The following TEAD2 variants were observed in gnomAD, a reference collection of about 807,000 sequenced individuals.
The protein encoded by TEAD2 is TEA domain transcription factor 2, also known as transcriptional enhancer factor TEF-4.
Under a neutral mutation model 61.4 loss-of-function variants are expected in TEAD2, and 51 were observed. The ratio of observed to expected loss-of-function variants is 0.83; its 90% CI spans 0.66 to 1.05. TEAD2 has a LOEUF of 1.05. TEAD2 is among the 50% of genes least tolerant of loss of function. TEAD2 has a pLI of 0.00. For synonymous variants in TEAD2, 244 were observed against 243.2 expected, an observed-to-expected ratio of 1.00 and a Z score of -0.03; for missense variants, 509 against 600.0, an observed-to-expected ratio of 0.85 and a Z score of 1.58.
rs780415316 is a variant in TEAD2, at chr19:49,355,136, C to T, written c.539+12G>A. The T allele has an allele frequency of 1.7e-5, 27 of 1,604,174 alleles. No homozygotes were observed. In the East Asian group the frequency reaches 5.2e-4, roughly 31 times the overall value. On this transcript the variant is annotated intron_variant, in intron 7 of 12. Coordinates refer to ENST00000593945, the MANE Select transcript of TEAD2 (RefSeq NM_001256660.2). Reference sequence around the variant, plus strand: ...GGGGGGCAGGTGCTGAGCCAGGACACATAGTACTCACTCTGGAACATTCCA... The same window carrying T: ...GGGGGGCAGGTGCTGAGCCAGGACATATAGTACTCACTCTGGAACATTCCA...
At chr19:49,346,825 C>T (rs182452371) in intron 10 of TEAD2, among the ~76,000 whole-genome samples, 25 of 152,290 alleles carry the variant, frequency 1.6e-4, no homozygotes, top group Admixed American at 1.3e-3. Flanking sequence ...CCACTGGCTA[C>T]GGGGAGGGGT....
chr19:49,358,630 T>C (rs1194975209), intron 3 of TEAD2, among the ~76,000 whole-genome samples: 2 of 151,250 alleles, frequency 1.3e-5, no homozygotes, highest in African/African-American at 4.9e-5. Flanking sequence ...TTTTCTTTCT[T>C]TCTTTCTTTT....
At chr19:49,344,861 C>A (rs1309568284) in intron 10 of TEAD2, among the ~76,000 whole-genome samples, 1 of 152,154 alleles carries the variant, frequency 6.6e-6, no homozygotes, top group Non-Finnish European at 1.5e-5. Context: ...AGACAGCTGG[C>A]CAAGTGTCAC....
In TEAD2 at chr19:49,358,034, A is replaced by G. The variant is rs191062783; in HGVS notation, c.298-720T>C. 6.4e-3 allele frequency among the ~76,000 whole-genome samples: 978 copies of G among 152,128 alleles called. 9 individuals carry two copies. The highest frequency in any genetic ancestry group is 7.9e-3 in the Non-Finnish European group (539 of 67,990). ...GATCACCTGAGGTCAGGAGTTCGAG[A>G]CCAGCCTGCCCAGCATGGCGATACC... On this transcript the variant is annotated intron_variant, in intron 3 of 12. Coordinates refer to ENST00000593945, the MANE Select transcript of TEAD2 (RefSeq NM_001256660.2).
In TEAD2 at chr19:49,348,771, G is replaced by C. The variant is rs778249919; in HGVS notation, c.679C>G (p.Leu227Val). 1.9e-6 allele frequency: 3 copies of C among 1,613,770 alleles called. No individual in the cohort carries two copies. Among genetic ancestry groups the C allele is most frequent in the Non-Finnish European group, 2.5e-6 (3 of 1,179,842 alleles). Residue 227 changes from leucine to valine, a missense_variant, in exon 9 of 13, where the codon CTG becomes GTG. Coordinates refer to ENST00000593945, the MANE Select transcript of TEAD2 (RefSeq NM_001256660.2). ...ACCAGCTGCAACCGGGCGGTGCCCA[G>C]GCCCCGAGCCTGCCAGGCTGGGGGC... is the stretch of plus-strand genomic sequence containing the variant. ...PSPPAWQARG[L>V]GTARLQLVEF...
In TEAD2 at chr19:49,359,388, G is replaced by T. The variant is rs1488266952; in HGVS notation, c.297+47C>A. ...CCTGCCCATGCGAGGATGACCCTAA[G>T]AAGACCGGCCCATCCCAGACAGAAG... On this transcript the variant is annotated intron_variant, in intron 3 of 12. Coordinates refer to ENST00000593945, the MANE Select transcript of TEAD2 (RefSeq NM_001256660.2). This position sits in a 1 kb window ranked among gnomAD's most constrained non-coding sequence, Gnocchi z 4.1. The T allele has an allele frequency of 1.9e-6, 3 of 1,591,698 alleles. No individual in the cohort carries two copies. The Admixed American group carries it at 5.0e-5, about 27-fold the overall frequency.
chr19:49,355,986 G>T lies in TEAD2; in HGVS notation c.361-16C>A. On this transcript the variant is annotated splice_polypyrimidine_tract_variant and intron_variant, in intron 4 of 12. Transcript: ENST00000593945. Reference sequence around the variant, plus strand: ...CGTTCAGAGCCTGCCCGTGGGGGTGGGGGAGGGTGCCAAAGGAGGAAAGAA... The same window carrying T: ...CGTTCAGAGCCTGCCCGTGGGGGTGTGGGAGGGTGCCAAAGGAGGAAAGAA... 1 of 1,255,180 alleles carries T rather than the reference G, an allele frequency of 8.0e-7. No homozygotes were observed. The highest frequency in any genetic ancestry group is 1.0e-6 in the Non-Finnish European group (1 of 999,484). 77.8% of individuals were successfully genotyped at this position (1,255,180 alleles called of 1,614,324 possible).
Position 49,340,825 on chromosome 19 carries a change from A to G in TEAD2, c.*499T>C, listed in dbSNP as rs1225700771. 4.8e-6 allele frequency: 1 copy of G among 210,466 alleles called. No homozygotes were observed. Among genetic ancestry groups the G allele is most frequent in the Non-Finnish European group, 9.6e-6 (1 of 103,916 alleles). The allele number at this position is 210,466 out of a possible 1,614,324, so 13.0% of individuals were successfully genotyped here. ...AGGGCCCACCTGGCTCTGCTCCTGC[A>G]CAGAAAGGGTTCATCTTCACTTTGT... On this transcript the variant is annotated 3_prime_UTR_variant, in exon 13 of 13. Transcript: ENST00000593945.
Position 49,340,627 on chromosome 19 carries a change from A to C in TEAD2, c.*697T>G. The C allele has an allele frequency of 1.9e-6, 1 of 540,380 alleles. No individual in the cohort carries two copies. 33.5% of individuals were successfully genotyped at this position (540,380 alleles called of 1,614,324 possible). A position where few individuals can be genotyped will look rare whatever the true frequency, so the allele number is the denominator to read the frequency against. ...TAAAATAGCTTTATCCTCTGTCAGAACACAAACAAACAAACTTTGAGAGGG... is the reference window on the plus strand; with the variant it reads ...TAAAATAGCTTTATCCTCTGTCAGACCACAAACAAACAAACTTTGAGAGGG... On this transcript the variant is annotated 3_prime_UTR_variant, in exon 13 of 13. Coordinates refer to ENST00000593945, the MANE Select transcript of TEAD2 (RefSeq NM_001256660.2).
At chr19:49,348,143 A>T (rs1971769638) in intron 9 of TEAD2, among the ~76,000 whole-genome samples, 2 of 150,866 alleles carry the variant, frequency 1.3e-5, no homozygotes, top group Non-Finnish European at 3.0e-5. Context: ...AGAGCCACAA[A>T]ATGGAAGGAG....
intron 10 of TEAD2, among the ~76,000 whole-genome samples, chr19:49,344,424 G>A (rs1971503517): frequency 6.6e-6 from 1 of 152,054 alleles, no homozygotes; most frequent in Non-Finnish European, 1.5e-5. Context: ...GGGATTACAG[G>A]CGCACGCCAC....
intron 1 of TEAD2, chr19:49,360,561 C>CGGGTATGA (rs889531189): frequency 5.7e-5 from 9 of 157,976 alleles, no homozygotes; most frequent in African/African-American, 1.9e-4. Flanking sequence ...GCTAAAGGTT[C>CGGGTATGA]GGGTATGAAT....
rs1458512896 is a variant in TEAD2, at chr19:49,341,534, C to G, written c.1243-97G>C. The G allele has an allele frequency of 2.1e-6, 2 of 955,376 alleles. No individual in the cohort carries two copies. Among genetic ancestry groups the G allele is most frequent in the Admixed American group, 2.1e-5 (1 of 47,988 alleles). The allele number at this position is 955,376 out of a possible 1,614,324, so 59.2% of individuals were successfully genotyped here. On this transcript the variant is annotated intron_variant, in intron 12 of 12. Coordinates refer to ENST00000593945, the MANE Select transcript of TEAD2 (RefSeq NM_001256660.2). This position sits in a 1 kb window ranked among gnomAD's most constrained non-coding sequence, Gnocchi z 4.2. ...GCTATCATGGAATACCCAGCAGGCT[C>G]TTTTCCATCTCCAGGAAACAGGCCG...
chr19:49,347,912 G>T (rs1167694197), intron 9 of TEAD2, among the ~76,000 whole-genome samples: 1 of 152,202 alleles, frequency 6.6e-6, no homozygotes, highest in Admixed American at 6.6e-5. Flanking sequence ...ACAAATCCTG[G>T]TTCCTTTACA....
At chr19:49,351,455 C>T in intron 7 of TEAD2, 90 bp from the exon 8 acceptor site, 1 of 1,246,932 alleles carries the variant, frequency 8.0e-7, no homozygotes, top group Non-Finnish European at 1.1e-6. Context: ...ACAAGCAAGA[C>T]CCTGTGCATT....
Position 49,357,276 on chromosome 19 carries a change from T to A in TEAD2, c.336A>T (p.Ser112=). 1 of 1,611,314 alleles carries A rather than the reference T, an allele frequency of 6.2e-7. No homozygotes were observed. Among genetic ancestry groups the A allele is most frequent in the Non-Finnish European group, 8.5e-7 (1 of 1,178,654 alleles). ...CCTTCAACTTGGACTGGATTTCCCT[T>A]GATTTCCTTCGGGCCAAAACCTGGA... is the stretch of plus-strand genomic sequence containing the variant. ...SHIQVLARRK[S]REIQSKLKAL... The change falls in exon 4 of 13, where the codon TCA becomes TCT. Residue 112 remains serine (S), a synonymous_variant. Transcript: ENST00000593945.
chr19:49,362,117 GC>G (rs1217599718), intron 1 of TEAD2, among the ~76,000 whole-genome samples: 1 of 151,950 alleles, frequency 6.6e-6, no homozygotes, highest in Middle Eastern at 3.2e-3. Context: ...CCCCGCCAGC[GC>G]CCTTGGCCCG....
At position 49,360,092 on chromosome 19, in the gene TEAD2, A is replaced by G; in HGVS notation, c.-6-11T>C. On this transcript the variant is annotated splice_polypyrimidine_tract_variant and intron_variant, in intron 1 of 12. Transcript: ENST00000593945. ...TTCCCCCATCTGGGCCTGGAGGAAC[A>G]CAGAACTCAGCAAGCTTCCCCCAAA... 3 of 1,595,866 alleles carry G rather than the reference A, an allele frequency of 1.9e-6. No homozygotes were observed. The highest frequency in any genetic ancestry group is 2.6e-6 in the Non-Finnish European group (3 of 1,174,044).
chr19:49,342,683 C>T (rs768189910), intron 11 of TEAD2, 93 bp from the exon 12 acceptor site: 1 of 1,476,844 alleles, frequency 6.8e-7, no homozygotes, highest in Non-Finnish European at 9.3e-7. Flanking sequence ...TCTAAGATGC[C>T]ACCACACTCA....
Sources: gnomAD v4.1 joint callset for allele counts (sites outside exome capture counted in the v4.1 genomes callset) on GRCh38, gnomAD v4.1.1 for gene constraint, Gnocchi (gnomAD v3.1) non-coding constraint, MANE v1.5 for transcripts, NCBI Gene and HGNC (gene_info 2026-07-23, HGNC 2026-07-21) for gene names.